ST18: variants seen among roughly 807,000 people sequenced by gnomAD.
The protein encoded by ST18 is suppression of tumorigenicity 18 protein.
ST18 carries 50 observed loss-of-function variants against 110.0 expected under a neutral mutation model. The ratio of observed to expected loss-of-function variants is 0.45; its 90% CI spans 0.36 to 0.58. The LOEUF is 0.58. ST18 is among the 20% of genes least tolerant of loss of function. The probability of loss-of-function intolerance (pLI) is 0.00; values close to 1 mark genes in which losing one functional copy is unlikely to be tolerated. For missense variants in ST18, 1,306 were observed against 1,280.1 expected (o/e 1.02, Z -0.31); for synonymous variants, 461 against 452.4 (o/e 1.02, Z -0.24).
intron 13 of ST18, among the ~76,000 whole-genome samples, chr8:52,162,120 A>G (rs2061616693): frequency 6.6e-6 from 1 of 152,180 alleles, no homozygotes; most frequent in African/African-American, 2.4e-5. Context: ...CTGAGGCAGG[A>G]GAATCACTTG....
intron 10 of ST18, among the ~76,000 whole-genome samples, chr8:52,167,287 T>C (rs2063334350): frequency 6.6e-6 from 1 of 152,162 alleles, no homozygotes; most frequent in Non-Finnish European, 1.5e-5. Context: ...AAATCAACCC[T>C]GTGCTAGGGG....
chr8:52,163,590 T>A (rs1362125984), intron 13 of ST18, among the ~76,000 whole-genome samples: 1 of 152,114 alleles, frequency 6.6e-6, no homozygotes, highest in East Asian at 1.9e-4. Context: ...TAACAGTACA[T>A]ATTTAGGAAA....
At chr8:52,336,311 A>T (rs751220108) in intron 2 of ST18, among the ~76,000 whole-genome samples, 4 of 151,860 alleles carry the variant, frequency 2.6e-5, no homozygotes, top group Non-Finnish European at 5.9e-5. Context: ...CACCACACTC[A>T]GCTAATTTTT....
At chr8:52,182,826 A>T (rs2070364924) in intron 8 of ST18, among the ~76,000 whole-genome samples, 1 of 151,896 alleles carries the variant, frequency 6.6e-6, no homozygotes, top group Non-Finnish European at 1.5e-5. Flanking sequence ...GAAAGAGGAG[A>T]TTTATTTTTT....
At chr8:52,119,530 C>A (rs981552884) in intron 23 of ST18, among the ~76,000 whole-genome samples, 2 of 152,180 alleles carry the variant, frequency 1.3e-5, no homozygotes, top group African/African-American at 2.4e-5. Flanking sequence ...AGGGTGACTA[C>A]TTTGGGAAAT....
intron 8 of ST18, among the ~76,000 whole-genome samples, chr8:52,211,074 A>G (rs2082000139): frequency 6.6e-6 from 1 of 152,234 alleles, no homozygotes; most frequent in Non-Finnish European, 1.5e-5. Context: ...TAGGTTGTCA[A>G]TAGCACATGC....
intron 15 of ST18, among the ~76,000 whole-genome samples, chr8:52,151,627 A>C (rs1428149710): frequency 6.6e-6 from 1 of 152,202 alleles, no homozygotes; most frequent in African/African-American, 2.4e-5. Context: ...TCTCTCCATG[A>C]TCTCACAATG....
chr8:52,133,421 G>A (rs916880589), intron 19 of ST18, 120 bp from the exon 20 acceptor site: 7 of 1,175,740 alleles, frequency 6.0e-6, no homozygotes, highest in East Asian at 4.9e-5. Flanking sequence ...TGTAGTTCAC[G>A]TGGAGGGAGG....
At chr8:52,159,257 A>G in intron 14 of ST18, 148 bp from the exon 15 acceptor site, 1 of 747,958 alleles carries the variant, frequency 1.3e-6, no homozygotes, top group Non-Finnish European at 2.1e-6. Context: ...ACATTAAATG[A>G]AGGTTATCCA....
intron 12 of ST18, 105 bp downstream of exon 12, chr8:52,165,030 T>C (rs1177926213): frequency 9.4e-7 from 1 of 1,058,466 alleles, no homozygotes; most frequent in Admixed American, 1.7e-5. Context: ...TATTGGACAG[T>C]GATGCAGCAA....
chr8:52,181,306 A>G (rs2069410658), intron 8 of ST18, among the ~76,000 whole-genome samples: 1 of 152,236 alleles, frequency 6.6e-6, no homozygotes, highest in Non-Finnish European at 1.5e-5. Context: ...CCTCAGGAAT[A>G]TTACTAAATA....
At chr8:52,388,215 G>A (rs7002306) in intron 2 of ST18, among the ~76,000 whole-genome samples, 1,716 of 152,214 alleles carry the variant, frequency 0.011, 35 homozygotes, top group African/African-American at 0.039. Context: ...AACACTGGGC[G>A]AATACGGAGA....
At chr8:52,327,243 C>A (rs1219906312) in intron 2 of ST18, among the ~76,000 whole-genome samples, 1 of 152,166 alleles carries the variant, frequency 6.6e-6, no homozygotes, top group African/African-American at 2.4e-5. Context: ...TCTCCCATAC[C>A]AATGGGATGT....
At chr8:52,156,232 G>A (rs952163848) in intron 15 of ST18, among the ~76,000 whole-genome samples, 6 of 152,164 alleles carry the variant, frequency 3.9e-5, no homozygotes, top group Admixed American at 6.5e-5. Flanking sequence ...ACCTGTGGCC[G>A]GGGCAGTCCA....
chr8:52,301,254 T>A (rs2095716651), intron 2 of ST18, among the ~76,000 whole-genome samples: 1 of 152,196 alleles, frequency 6.6e-6, no homozygotes, highest in Admixed American at 6.5e-5. Context: ...TCAATTTATT[T>A]TCCTAAAATT....
At chr8:52,360,184 G>C (rs758139167) in intron 2 of ST18, among the ~76,000 whole-genome samples, 1 of 152,016 alleles carries the variant, frequency 6.6e-6, no homozygotes, top group Non-Finnish European at 1.5e-5. Context: ...TAACCTGTCA[G>C]TCTTTCCAGC....
chr8:52,294,217 G>T (rs2095597816), intron 2 of ST18, among the ~76,000 whole-genome samples: 1 of 152,148 alleles, frequency 6.6e-6, no homozygotes, highest in Non-Finnish European at 1.5e-5. Context: ...AAACAAATTT[G>T]CCCTGAATAA....
At chr8:52,173,722 G>A (rs1458522743) in intron 9 of ST18, among the ~76,000 whole-genome samples, 2 of 152,094 alleles carry the variant, frequency 1.3e-5, no homozygotes, top group African/African-American at 4.8e-5. Context: ...TGTCTCAAAA[G>A]CAGGGTGGGG....
intron 2 of ST18, among the ~76,000 whole-genome samples, chr8:52,319,432 C>G (rs145141541): frequency 6.6e-6 from 1 of 151,780 alleles, no homozygotes; most frequent in Non-Finnish European, 1.5e-5. Flanking sequence ...ACAGTTTTTC[C>G]CATTTCTTCT....
Sources: allele counts gnomAD v4.1 joint callset (sites outside exome capture counted in the v4.1 genomes callset), GRCh38; gene constraint gnomAD v4.1.1; transcripts MANE v1.5; gene names NCBI Gene and HGNC (gene_info 2026-07-23, HGNC 2026-07-21).